Variants in FNDC3B observed in about 807,000 individuals in gnomAD.
FNDC3B encodes the protein fibronectin type III domain containing 3B.
FNDC3B carries 12 observed loss-of-function variants against 151.5 expected under a neutral mutation model. The ratio of observed to expected loss-of-function variants is 0.08; its 90% CI spans 0.05 to 0.13. FNDC3B has a LOEUF of 0.13. Ranked by LOEUF, FNDC3B falls within the 10% of genes least tolerant of loss-of-function variation. FNDC3B has a pLI of 1.00. For synonymous variants in FNDC3B, 528 were observed against 549.0 expected (o/e 0.96, Z 0.54); for missense variants, 1,214 against 1,505.3 (o/e 0.81, Z 3.20).
rs977535457 is a variant in FNDC3B, at chr3:172,398,556, G to T, written c.*1081G>T. ...GAAAATTGATAAAACCCAAAAGAGAGTCATCTAAATTTGTAGTTCCTATTT... is the reference window on the plus strand; with the variant it reads ...GAAAATTGATAAAACCCAAAAGAGATTCATCTAAATTTGTAGTTCCTATTT... On this transcript the variant is annotated 3_prime_UTR_variant, in exon 26 of 26. Coordinates refer to ENST00000415807, the MANE Select transcript of FNDC3B (RefSeq NM_022763.4). 8 of 152,198 alleles carry T rather than the reference G, an allele frequency of 5.3e-5. No individual in the cohort carries two copies. Among genetic ancestry groups the T allele is most frequent in the Non-Finnish European group, 1.2e-4 (8 of 68,042 alleles). The allele number at this position is 152,198 out of a possible 1,614,324, so 9.4% of individuals were successfully genotyped here. A position where few individuals can be genotyped will look rare whatever the true frequency, so the allele number is the denominator to read the frequency against.
At chr3:172,244,123 G>A (rs939529750) in intron 4 of FNDC3B, among the ~76,000 whole-genome samples, 1 of 152,184 alleles carries the variant, frequency 6.6e-6, no homozygotes, top group African/African-American at 2.4e-5. Context: ...GAGTCTTACT[G>A]TTGAGCACTT....
rs148299432 is a variant in FNDC3B at position 172,318,985 on chromosome 3, C to A, written c.1254+8104C>A. On this transcript the variant is annotated intron_variant, in intron 11 of 25. Coordinates refer to ENST00000415807, the MANE Select transcript of FNDC3B (RefSeq NM_022763.4). The stretch of plus-strand genomic sequence containing the variant: ...ACTTCATGATTAAAAGGAGCCCCCT[C>A]TTTTAGGGACCTCAGTCTCAGAGAT... 3.3e-3 allele frequency among the ~76,000 whole-genome samples: 486 copies of A among 148,022 alleles called. 3 individuals carry two copies. Among genetic ancestry groups the A allele is most frequent in the Admixed American group, 8.2e-3 (123 of 14,934 alleles).
rs1731668757 is a variant in FNDC3B at position 172,314,288 on chromosome 3, C to T, written c.1254+3407C>T. Among the ~76,000 whole-genome samples the T allele has an allele frequency of 3.3e-5, 5 of 152,130 alleles. No homozygotes were observed. The South Asian group carries it at 1.0e-3, about 32-fold the overall frequency. On this transcript the variant is annotated intron_variant, in intron 11 of 25. Transcript: ENST00000415807. ...ACACACCCATAAACCTGTCTGCCAT[C>T]CAGGGGGCTGAAGAAACAAACTTAG... is the stretch of plus-strand genomic sequence containing the variant.
chr3:172,384,525 C>T (rs575839221), intron 25 of FNDC3B, among the ~76,000 whole-genome samples: 39 of 152,276 alleles, frequency 2.6e-4, no homozygotes, highest in African/African-American at 7.9e-4. Flanking sequence ...TATCATTTGA[C>T]GCTTAATAAT....
At chr3:172,134,273 G>A (rs1721253083) in intron 3 of FNDC3B, 1 of 476,684 alleles carries the variant, frequency 2.1e-6, no homozygotes, top group South Asian at 1.5e-5. Flanking sequence ...AGTTCACTTG[G>A]AAATAAATGA....
chr3:172,224,649 G>T (rs2108737444), intron 3 of FNDC3B, among the ~76,000 whole-genome samples: 1 of 152,296 alleles, frequency 6.6e-6, no homozygotes, highest in Non-Finnish European at 1.5e-5. Context: ...GTACTGTGAA[G>T]TGAAGGATGC....
intron 1 of FNDC3B, among the ~76,000 whole-genome samples, chr3:172,093,653 C>T (rs1160927472): frequency 1.3e-5 from 2 of 152,192 alleles, no homozygotes; most frequent in Non-Finnish European, 2.9e-5. Flanking sequence ...CCCTCTTCAA[C>T]CTCCCAAAGT....
At chr3:172,334,184 G>A (rs1732831002) in intron 14 of FNDC3B, among the ~76,000 whole-genome samples, 1 of 152,176 alleles carries the variant, frequency 6.6e-6, no homozygotes, top group Non-Finnish European at 1.5e-5. Context: ...GACTATTTGA[G>A]GGAAATGATA....
chr3:172,392,067 G>T (rs1736039587), intron 25 of FNDC3B, among the ~76,000 whole-genome samples: 1 of 152,190 alleles, frequency 6.6e-6, no homozygotes, highest in Non-Finnish European at 1.5e-5. Flanking sequence ...TTGTGGTGTA[G>T]TCTGAACTCT....
intron 1 of FNDC3B, among the ~76,000 whole-genome samples, chr3:172,045,841 G>A (rs530290450): frequency 6.7e-6 from 1 of 149,804 alleles, no homozygotes; most frequent in Admixed American, 6.7e-5. Flanking sequence ...TATGGTTATG[G>A]CATTATGTGT....
At chr3:172,041,024 A>C (rs1419364504) in intron 1 of FNDC3B, among the ~76,000 whole-genome samples, 1 of 152,198 alleles carries the variant, frequency 6.6e-6, no homozygotes, top group East Asian at 1.9e-4. Context: ...CCGTTTGCAG[A>C]CTTCCTTAAA....
intron 1 of FNDC3B, among the ~76,000 whole-genome samples, chr3:172,051,330 G>C (rs913984327): frequency 6.6e-6 from 1 of 151,558 alleles, no homozygotes; most frequent in East Asian, 1.9e-4. Flanking sequence ...CACTTTATCT[G>C]TACTTTTCAG....
intron 3 of FNDC3B, among the ~76,000 whole-genome samples, chr3:172,186,538 C>G (rs141755705): frequency 2.0e-5 from 3 of 152,222 alleles, no homozygotes; most frequent in Non-Finnish European, 2.9e-5. Context: ...AGAAAATACA[C>G]ATGCCATTTC....
intron 17 of FNDC3B, 127 bp downstream of exon 17, chr3:172,341,358 G>A (rs1010323524): frequency 3.5e-5 from 26 of 740,642 alleles, no homozygotes; most frequent in Admixed American, 5.7e-5. Context: ...TATCATGTCA[G>A]GAAATGAAAA....
rs1277415685 is a variant in FNDC3B, at chr3:172,352,842, G to C, written c.2554G>C (p.Val852Leu). ...QAGAGPYSELVLCQTPASAPD... is the reference protein window; with the variant it reads ...QAGAGPYSELLLCQTPASAPD... ...AGGGGCAGGGCCGTACAGTGAACTT[G>C]TCCTTTGCCAGACGCCAGCGTCTGC... Residue 852 changes from valine (V) to leucine (L), a missense_variant, in exon 22 of 26, where the codon GTC becomes CTC. Transcript: ENST00000415807. The surrounding 1 kb of genome is among the most constrained non-coding windows in gnomAD (Gnocchi z 4.2). The C allele has an allele frequency of 6.2e-7, 1 of 1,614,136 alleles. No homozygotes were observed. The highest frequency in any genetic ancestry group is 8.5e-7 in the Non-Finnish European group (1 of 1,180,022).
chr3:172,356,386 G>A (rs927607624), intron 22 of FNDC3B, among the ~76,000 whole-genome samples: 1 of 152,202 alleles, frequency 6.6e-6, no homozygotes, highest in Non-Finnish European at 1.5e-5. Context: ...AAGAGGTCAG[G>A]TACCTAGTAT....
At chr3:172,129,011 G>C (rs1300964403) in intron 2 of FNDC3B, among the ~76,000 whole-genome samples, 2 of 152,048 alleles carry the variant, frequency 1.3e-5, no homozygotes, top group Admixed American at 6.6e-5. Flanking sequence ...TCTGTTGTCC[G>C]GGCTGGAGTG....
At chr3:172,167,976 C>T (rs1245954880) in intron 3 of FNDC3B, among the ~76,000 whole-genome samples, 1 of 152,170 alleles carries the variant, frequency 6.6e-6, no homozygotes, top group Non-Finnish European at 1.5e-5. Flanking sequence ...GAGATCATTT[C>T]GAGTTACACC....
intron 3 of FNDC3B, among the ~76,000 whole-genome samples, chr3:172,199,072 T>C (rs1379726413): frequency 2.0e-5 from 3 of 152,176 alleles, no homozygotes; most frequent in African/African-American, 7.2e-5. Flanking sequence ...CAAATGATCC[T>C]TCCTCCTCAG....
Sources: allele counts gnomAD v4.1 joint callset (sites outside exome capture counted in the v4.1 genomes callset), GRCh38; gene constraint gnomAD v4.1.1; non-coding constraint Gnocchi (gnomAD v3.1); transcripts MANE v1.5; gene names NCBI Gene and HGNC (gene_info 2026-07-23, HGNC 2026-07-21).